NALF1: variants seen among roughly 807,000 people sequenced by gnomAD.
NALF1 encodes NALCN channel auxiliary factor 1.
NALF1 carries 3 observed loss-of-function variants against 48.4 expected under a neutral mutation model. The observed-to-expected ratio is 0.06, with a 90% confidence interval of 0.03 to 0.16. The LOEUF is 0.16. Among genes scored for constraint, NALF1 ranks in the 10% least tolerant of loss-of-function variants. The pLI is 1.00. For missense variants in NALF1, 526 were observed against 571.5 expected (o/e 0.92, Z 0.81); for synonymous variants, 262 against 245.7 (o/e 1.07, Z -0.62).
intron 1 of NALF1, among the ~76,000 whole-genome samples, chr13:107,283,082 T>G (rs984875230): frequency 6.6e-6 from 1 of 152,190 alleles, no homozygotes; most frequent in Non-Finnish European, 1.5e-5. Context: ...AAGGAGTTGA[T>G]GAGGAGTCCC....
intron 1 of NALF1, among the ~76,000 whole-genome samples, chr13:107,758,400 T>C (rs1044830082): frequency 1.3e-5 from 2 of 152,224 alleles, no homozygotes; most frequent in Non-Finnish European, 2.9e-5. Context: ...TGCATTATTG[T>C]ATTACAGATC....
chr13:107,827,438 C>CA (rs1408316909), intron 1 of NALF1, among the ~76,000 whole-genome samples: 20 of 152,306 alleles, frequency 1.3e-4, no homozygotes, highest in Admixed American at 5.9e-4. Flanking sequence ...AAGCATCTGT[C>CA]AGAGTCAGAC....
At chr13:107,326,640 C>T (rs1344433357) in intron 1 of NALF1, among the ~76,000 whole-genome samples, 1 of 152,134 alleles carries the variant, frequency 6.6e-6, no homozygotes, top group African/African-American at 2.4e-5. Flanking sequence ...CGTTGTATTA[C>T]TTTTCATATT....
chr13:107,793,026 C>T (rs2138588875), intron 1 of NALF1, among the ~76,000 whole-genome samples: 1 of 152,240 alleles, frequency 6.6e-6, no homozygotes, highest in Non-Finnish European at 1.5e-5. Flanking sequence ...TATTTATGGA[C>T]ATCAGTGAGA....
intron 1 of NALF1, among the ~76,000 whole-genome samples, chr13:107,680,419 C>G (rs561982873): frequency 6.9e-6 from 1 of 144,914 alleles, no homozygotes; most frequent in Admixed American, 7.1e-5. Flanking sequence ...AGTGTGTGTG[C>G]GTGTGAGTGT....
intron 1 of NALF1, among the ~76,000 whole-genome samples, chr13:107,695,640 G>A (rs1881681215): frequency 6.6e-6 from 1 of 152,066 alleles, no homozygotes; most frequent in South Asian, 2.1e-4. Context: ...AATAACACAG[G>A]TAGAGAGAAT....
chr13:107,394,347 G>T (rs1260440401), intron 1 of NALF1, among the ~76,000 whole-genome samples: 1 of 152,070 alleles, frequency 6.6e-6, no homozygotes, highest in Non-Finnish European at 1.5e-5. Flanking sequence ...AATAAATAAG[G>T]TCTGCAAATA....
intron 1 of NALF1, among the ~76,000 whole-genome samples, chr13:107,505,081 C>T (rs1875651373): frequency 6.6e-6 from 1 of 152,126 alleles, no homozygotes; most frequent in African/African-American, 2.4e-5. Flanking sequence ...ATTCCAGGGG[C>T]AGGGATTAGA....
At chr13:107,226,583 A>G (rs150985463) in intron 1 of NALF1, among the ~76,000 whole-genome samples, 123 of 152,342 alleles carry the variant, frequency 8.1e-4, no homozygotes, top group African/African-American at 2.7e-3. Flanking sequence ...AATGTAAAAC[A>G]TACTTAGCAT....
intron 1 of NALF1, among the ~76,000 whole-genome samples, chr13:107,356,995 T>G (rs1882974146): frequency 6.6e-6 from 1 of 152,170 alleles, no homozygotes; most frequent in African/African-American, 2.4e-5. Flanking sequence ...GAATAGATAG[T>G]GGCCTGGTCA....
chr13:107,566,580 A>G (rs565336446), intron 1 of NALF1, among the ~76,000 whole-genome samples: 4 of 152,272 alleles, frequency 2.6e-5, no homozygotes, highest in Admixed American at 6.5e-5. Context: ...AGCCTCACCA[A>G]CCTCACGGAA....
intron 1 of NALF1, among the ~76,000 whole-genome samples, chr13:107,602,366 C>T (rs118137484): frequency 5.9e-5 from 9 of 152,248 alleles, no homozygotes; most frequent in Non-Finnish European, 7.4e-5. Flanking sequence ...AAGGCACACT[C>T]GACTAAAATA....
At chr13:107,534,474 A>T (rs1285181029) in intron 1 of NALF1, among the ~76,000 whole-genome samples, 1 of 152,128 alleles carries the variant, frequency 6.6e-6, no homozygotes, top group African/African-American at 2.4e-5. Flanking sequence ...GTTTTCTTCC[A>T]TCTTTTATTA....
Position 107,802,234 on chromosome 13 carries a change from T to C in NALF1, c.915+63448A>G, listed in dbSNP as rs371224001. The stretch of plus-strand genomic sequence containing the variant: ...TCTCCCTATATTTTTCACCAATTAC[T>C]CACTTCACATTACTATAAGTTAGTT... On this transcript the variant is annotated intron_variant, in intron 1 of 2. Transcript: ENST00000375915. 1.2e-4 allele frequency among the ~76,000 whole-genome samples: 19 copies of C among 152,312 alleles called. No homozygotes were observed. In the South Asian group the frequency reaches 3.9e-3, roughly 32 times the overall value.
chr13:107,674,575 G>A (rs1375593197), intron 1 of NALF1, among the ~76,000 whole-genome samples: 2 of 152,098 alleles, frequency 1.3e-5, no homozygotes, highest in African/African-American at 4.8e-5. Context: ...TACTTGCCAT[G>A]CAATGTGGTA....
At chr13:107,787,474 CAGT>C (rs2138584131) in intron 1 of NALF1, among the ~76,000 whole-genome samples, 1 of 152,282 alleles carries the variant, frequency 6.6e-6, no homozygotes, top group East Asian at 1.9e-4. Flanking sequence ...TTATGATTCA[CAGT>C]TTATGGGTCT....
At chr13:107,305,093 C>T (rs1249801140) in intron 1 of NALF1, among the ~76,000 whole-genome samples, 1 of 152,172 alleles carries the variant, frequency 6.6e-6, no homozygotes, top group Admixed American at 6.6e-5. Flanking sequence ...CTGCTTACTC[C>T]TTATAGTCAT....
chr13:107,176,515 G>A (rs7986354), intron 2 of NALF1, among the ~76,000 whole-genome samples: 3 of 151,814 alleles, frequency 2.0e-5, no homozygotes, highest in East Asian at 1.9e-4. Context: ...GGTGGCGGGC[G>A]CCTGTAGTCC....
chr13:107,362,169 T>A lies in NALF1; in HGVS notation c.916-151414A>T, dbSNP rs1372528241. Among the ~76,000 whole-genome samples, 2 of 152,166 alleles carry A rather than the reference T, an allele frequency of 1.3e-5. No individual in the cohort carries two copies. Among genetic ancestry groups the A allele is most frequent in the South Asian group, 2.1e-4 (1 of 4,832 alleles). Reference sequence around the variant, plus strand: ...TCGAAAATAATCTACCCTTATTGACTGATTCTCCAAATGACAAGGTTACCT... The same window carrying A: ...TCGAAAATAATCTACCCTTATTGACAGATTCTCCAAATGACAAGGTTACCT... On this transcript the variant is annotated intron_variant, in intron 1 of 2. Transcript: ENST00000375915. The surrounding 1 kb of genome is among the most constrained non-coding windows in gnomAD (Gnocchi z 4.6).
Sources: gnomAD v4.1 joint callset for allele counts (sites outside exome capture counted in the v4.1 genomes callset) on GRCh38, gnomAD v4.1.1 for gene constraint, Gnocchi (gnomAD v3.1) non-coding constraint, MANE v1.5 for transcripts, NCBI Gene and HGNC (gene_info 2026-07-23, HGNC 2026-07-21) for gene names.